HSD17B12: variants seen among roughly 807,000 people sequenced by gnomAD.
HSD17B12 encodes very-long-chain 3-oxoacyl-CoA reductase.
Under a neutral mutation model 39.3 loss-of-function variants are expected in HSD17B12, and 32 were observed. The observed-to-expected ratio is 0.81, with a 90% CI of 0.61 to 1.09. The LOEUF is 1.09. Ranked by LOEUF, HSD17B12 falls within the 50% of genes least tolerant of loss-of-function variation. The pLI is 0.00. For missense variants in HSD17B12, 342 were observed against 382.9 expected (o/e 0.89, Z 0.89); for synonymous variants, 150 against 146.7 (o/e 1.02, Z -0.16).
At chr11:43,724,680 G>A (rs1291457545) in intron 1 of HSD17B12, among the ~76,000 whole-genome samples, 1 of 152,132 alleles carries the variant, frequency 6.6e-6, no homozygotes, top group African/African-American at 2.4e-5. Context: ...TCCCATTCAT[G>A]AGGGCTCTGT....
chr11:43,775,025 G>T (rs1950685751), intron 3 of HSD17B12, among the ~76,000 whole-genome samples: 2 of 152,186 alleles, frequency 1.3e-5, no homozygotes, highest in African/African-American at 4.8e-5. Context: ...CTAAAAGAGG[G>T]CCCAAGTGGA....
intron 1 of HSD17B12, among the ~76,000 whole-genome samples, chr11:43,694,021 A>C (rs2134789021): frequency 6.6e-6 from 1 of 152,364 alleles, no homozygotes; most frequent in East Asian, 1.9e-4. Context: ...TGAAAACAAA[A>C]GCCACATTGG....
the HSD17B12 span, among the ~76,000 whole-genome samples, chr11:43,629,990 A>G: frequency 6.6e-6 from 1 of 152,220 alleles, no homozygotes; most frequent in African/African-American, 2.4e-5. Flanking sequence ...GTTTCCAGAC[A>G]CCAATAGGTA....
rs183342880 is a variant in HSD17B12, at chr11:43,850,032, C to A, written c.685-4683C>A. Among the ~76,000 whole-genome samples the A allele has an allele frequency of 8.4e-3, 1,275 of 152,046 alleles. 10 individuals are homozygous for A. Among genetic ancestry groups the A allele is most frequent in the African/African-American group, 0.029 (1,201 of 41,450 alleles). On this transcript the variant is annotated intron_variant, in intron 9 of 10. Transcript: ENST00000278353. ...AAGGATCTTTGTGTAGAGCACAATA[C>A]TTTGAACTCCTTCATTTTGGATTTA... is the stretch of plus-strand genomic sequence containing the variant.
intron 4 of HSD17B12, 35 bp downstream of exon 4, chr11:43,798,462 G>A: frequency 7.7e-7 from 1 of 1,305,420 alleles, no homozygotes; most frequent in Non-Finnish European, 1.1e-6. Context: ...GGTTCTTCTT[G>A]TATTTATTAT....
chr11:43,830,782 T>G (rs1951301018), intron 6 of HSD17B12, 194 bp from the exon 7 acceptor site: 1 of 411,590 alleles, frequency 2.4e-6, no homozygotes, highest in African/African-American at 2.1e-5. Context: ...TTCTCTCCAG[T>G]AATTTCAGCT....
intron 3 of HSD17B12, among the ~76,000 whole-genome samples, chr11:43,756,925 T>C (rs889041014): frequency 5.3e-5 from 8 of 152,264 alleles, no homozygotes; most frequent in Admixed American, 3.3e-4. Flanking sequence ...AGACACTGAA[T>C]TGACCTTTAT....
intron 9 of HSD17B12, among the ~76,000 whole-genome samples, chr11:43,850,837 G>A (rs889516701): frequency 3.9e-5 from 6 of 152,306 alleles, no homozygotes; most frequent in Middle Eastern, 3.4e-3. Flanking sequence ...TGAGGCAGGC[G>A]GATCACCTGA....
rs745951918 is a variant in HSD17B12, at chr11:43,680,988, G to T, written c.160+1G>T. 1 of 1,593,298 alleles carries T rather than the reference G, an allele frequency of 6.3e-7. No homozygotes were observed. Among genetic ancestry groups the T allele is most frequent in the Middle Eastern group, 1.8e-4 (1 of 5,700 alleles). The stretch of plus-strand genomic sequence containing the variant: ...GGCCCGGGGCTCGGAGAATGGGCAG[G>T]TGAGTCGGATGCAGCGCCGCGTCCT... On this transcript the variant is annotated splice_donor_variant, in intron 1 of 10. Coordinates refer to ENST00000278353, the MANE Select transcript of HSD17B12 (RefSeq NM_016142.3). LOFTEE classifies it high-confidence loss of function.
the HSD17B12 span, among the ~76,000 whole-genome samples, chr11:43,664,279 G>C: frequency 1.6e-4 from 24 of 152,196 alleles, no homozygotes; most frequent in African/African-American, 5.5e-4. Context: ...ACCATATGTA[G>C]ATTCAAAGAT....
chr11:43,669,619 G>A, the HSD17B12 span, among the ~76,000 whole-genome samples: 1 of 152,108 alleles, frequency 6.6e-6, no homozygotes, highest in East Asian at 1.9e-4. Flanking sequence ...ATCCTTCCTT[G>A]CCTCTTCCTA....
chr11:43,715,858 G>T (rs955548845), intron 1 of HSD17B12, among the ~76,000 whole-genome samples: 4 of 152,120 alleles, frequency 2.6e-5, no homozygotes, highest in Non-Finnish European at 4.4e-5. Flanking sequence ...TGTGTATCTA[G>T]TGGCTACCCT....
rs1007306106 is a variant in HSD17B12 at position 43,828,975 on chromosome 11, A to G, written c.502-2001A>G. Among the ~76,000 whole-genome samples, 5 of 152,380 alleles carry G rather than the reference A, an allele frequency of 3.3e-5. No individual in the cohort carries two copies. In the South Asian group the frequency reaches 1.0e-3, roughly 32 times the overall value. The stretch of plus-strand genomic sequence containing the variant: ...TTATTGTGACTTATAATCTGATTAG[A>G]AGGAAAGATAATTTCATTATAGATG... On this transcript the variant is annotated intron_variant, in intron 6 of 10. Transcript: ENST00000278353.
chr11:43,572,521 C>G, the HSD17B12 span, among the ~76,000 whole-genome samples: 1 of 152,152 alleles, frequency 6.6e-6, no homozygotes, highest in African/African-American at 2.4e-5. Context: ...TGAATTTGAT[C>G]TGATCCTTAG....
At chr11:43,588,978 TTTATTATTA>T in the HSD17B12 span, among the ~76,000 whole-genome samples, 14 of 148,658 alleles carry the variant, frequency 9.4e-5, no homozygotes, top group African/African-American at 1.5e-4. Context: ...TCTTTTTGCC[TTTATTATTA>T]TTATTATTAT....
intron 3 of HSD17B12, among the ~76,000 whole-genome samples, chr11:43,756,191 G>T (rs752419891): frequency 6.6e-6 from 1 of 151,852 alleles, no homozygotes; most frequent in Admixed American, 6.6e-5. Context: ...CCTTATTGGA[G>T]ATTCCCAATA....
intron 3 of HSD17B12, among the ~76,000 whole-genome samples, chr11:43,754,705 T>C (rs1950494350): frequency 6.6e-6 from 1 of 152,268 alleles, no homozygotes; most frequent in South Asian, 2.1e-4. Context: ...TATCGTATTC[T>C]GCTGAAATGT....
At chr11:43,612,855 A>G in the HSD17B12 span, among the ~76,000 whole-genome samples, 1 of 152,154 alleles carries the variant, frequency 6.6e-6, no homozygotes, top group Non-Finnish European at 1.5e-5. Context: ...AAGGGGTGGC[A>G]TTTGCTGTGG....
chr11:43,736,234 G>C (rs544267464), intron 1 of HSD17B12, among the ~76,000 whole-genome samples: 1 of 152,264 alleles, frequency 6.6e-6, no homozygotes, highest in East Asian at 1.9e-4. Flanking sequence ...GGCCTTGCCT[G>C]GAAGTCGGCC....
Sources: gnomAD v4.1 joint callset for allele counts (sites outside exome capture counted in the v4.1 genomes callset) on GRCh38, gnomAD v4.1.1 for gene constraint, MANE v1.5 for transcripts, NCBI Gene and HGNC (gene_info 2026-07-23, HGNC 2026-07-21) for gene names.